The following DUSP16 variants were observed in gnomAD, a reference collection of about 807,000 sequenced individuals.
DUSP16 encodes the protein dual specificity protein phosphatase 16.
In DUSP16, 21 loss-of-function variants were observed where a neutral mutation model predicts 58.3. That is an observed-to-expected ratio of 0.36 (90% CI 0.26 to 0.52). DUSP16 has a LOEUF of 0.52. DUSP16 is among the 20% of genes least tolerant of loss of function. DUSP16 has a pLI of 0.94. For synonymous variants in DUSP16, 320 were observed against 323.8 expected, an observed-to-expected ratio of 0.99 and a Z score of 0.12; for missense variants, 726 against 819.0, an observed-to-expected ratio of 0.89 and a Z score of 1.39.
rs1943443684 is a variant in DUSP16 at position 12,476,669 on chromosome 12, G to A, written c.*164C>T. On this transcript the variant is annotated 3_prime_UTR_variant, in exon 7 of 7. Coordinates refer to ENST00000298573, the MANE Select transcript of DUSP16 (RefSeq NM_030640.3). Reference sequence around the variant, plus strand: ...ATTAGCTGATCTCTCAAATGCAGATGTTAAGAGAGTAACAACTGGGTTGAT... The same window carrying A: ...ATTAGCTGATCTCTCAAATGCAGATATTAAGAGAGTAACAACTGGGTTGAT... The A allele has an allele frequency of 1.6e-6, 1 of 606,976 alleles. No individual in the cohort carries two copies. Among genetic ancestry groups the A allele is most frequent in the African/African-American group, 1.9e-5 (1 of 53,796 alleles). 37.6% of individuals were successfully genotyped at this position (606,976 alleles called of 1,614,324 possible).
At chr12:12,520,452 T>C (rs550445660) in intron 2 of DUSP16, among the ~76,000 whole-genome samples, 1 of 152,302 alleles carries the variant, frequency 6.6e-6, no homozygotes. Flanking sequence ...CAGGAATAAC[T>C]TCCCTTGAAG....
chr12:12,556,271 A>T (rs1944804648), intron 1 of DUSP16, among the ~76,000 whole-genome samples: 1 of 152,208 alleles, frequency 6.6e-6, no homozygotes, highest in Non-Finnish European at 1.5e-5. Flanking sequence ...CCTATAAAAA[A>T]GTTTTGCTGG....
Position 12,477,388 on chromosome 12 carries a change from G to C in DUSP16, c.1443C>G (p.Ser481Arg). The change falls in exon 7 of 7, where the codon AGC (serine) becomes AGG (arginine). Residue 481 changes from serine to arginine, a missense_variant. Ser to Arg is a moderately radical substitution (Grantham distance 110). Transcript: ENST00000298573. This position sits in a 1 kb window ranked among gnomAD's most constrained non-coding sequence, Gnocchi z 4.1. ...TGGTTCTGACCGAATGCAATCGCTT[G>C]CTCTGGCTGTCTGAAGGCCTGGCGG... is the stretch of plus-strand genomic sequence containing the variant. ...LQTARPSDSQ[S>R]KRLHSVRTSS... is the part of the protein sequence containing the mutation. The C allele has an allele frequency of 6.2e-7, 1 of 1,613,206 alleles. No homozygotes were observed. The highest frequency in any genetic ancestry group is 8.5e-7 in the Non-Finnish European group (1 of 1,179,450).
intron 1 of DUSP16, among the ~76,000 whole-genome samples, chr12:12,556,793 C>T (rs1195825122): frequency 1.3e-5 from 2 of 152,194 alleles, no homozygotes; most frequent in Non-Finnish European, 2.9e-5. Context: ...CATTTTGGAA[C>T]ATCTTTGCTT....
intron 3 of DUSP16, among the ~76,000 whole-genome samples, chr12:12,505,385 A>G (rs944936295): frequency 2.4e-4 from 37 of 152,354 alleles, no homozygotes; most frequent in African/African-American, 8.4e-4. Flanking sequence ...AAAGGCTTCA[A>G]TGAGGGAGAA....
Position 12,519,140 on chromosome 12 carries a change from G to A in DUSP16, c.367+722C>T, listed in dbSNP as rs1328677549. On this transcript the variant is annotated intron_variant, in intron 3 of 6. Transcript: ENST00000298573. The stretch of plus-strand genomic sequence containing the variant: ...GGGAAAGGATTTTCATTTGCAAAAC[G>A]AGAAGCAAAGGATGAATAGCCTTCT... Among the ~76,000 whole-genome samples, 9 of 152,274 alleles carry A rather than the reference G, an allele frequency of 5.9e-5. No homozygotes were observed. In the East Asian group the frequency reaches 1.2e-3, roughly 20 times the overall value.
chr12:12,529,430 TA>T (rs1480538932), intron 1 of DUSP16, among the ~76,000 whole-genome samples: 2 of 152,202 alleles, frequency 1.3e-5, no homozygotes, highest in Non-Finnish European at 2.9e-5. Context: ...AATTAATGGA[TA>T]AAACTGTATG....
intron 1 of DUSP16, among the ~76,000 whole-genome samples, chr12:12,526,668 C>T (rs952875589): frequency 2.0e-5 from 3 of 152,060 alleles, no homozygotes; most frequent in Non-Finnish European, 2.9e-5. Context: ...ATTATTTTTA[C>T]GTGATTATAT....
intron 1 of DUSP16, among the ~76,000 whole-genome samples, chr12:12,526,339 T>C (rs960950578): frequency 6.6e-6 from 1 of 152,222 alleles, no homozygotes; most frequent in Admixed American, 6.5e-5. Flanking sequence ...TAGATTCCAT[T>C]TGGTTACTTA....
intron 1 of DUSP16, among the ~76,000 whole-genome samples, chr12:12,524,920 A>G (rs1944283039): frequency 6.6e-6 from 1 of 152,174 alleles, no homozygotes; most frequent in Admixed American, 6.5e-5. Context: ...CAGCAAATAC[A>G]TTTAAATAAA....
chr12:12,486,432 C>T (rs1232423167), intron 5 of DUSP16, among the ~76,000 whole-genome samples: 3 of 151,724 alleles, frequency 2.0e-5, no homozygotes, highest in African/African-American at 7.3e-5. Flanking sequence ...CAAAGTATGG[C>T]ACAGATGAGA....
intron 3 of DUSP16, 58 bp from the exon 4 acceptor site, chr12:12,500,740 G>T (rs1355070555): frequency 7.7e-6 from 11 of 1,433,426 alleles, no homozygotes; most frequent in Non-Finnish European, 6.4e-6. Flanking sequence ...ATAAAAACCA[G>T]CTTTCTGTGA....
chr12:12,532,234 ATACTGG>A (rs1944400746), intron 1 of DUSP16, among the ~76,000 whole-genome samples: 9 of 152,362 alleles, frequency 5.9e-5, no homozygotes, highest in African/African-American at 1.9e-4. Context: ...ACATGAAAAA[ATACTGG>A]AAAAGGCCTA....
intron 5 of DUSP16, among the ~76,000 whole-genome samples, chr12:12,481,455 A>G (rs1007648788): frequency 2.0e-5 from 3 of 152,228 alleles, no homozygotes; most frequent in Admixed American, 6.5e-5. Context: ...AGATACTACC[A>G]AAAGTCTACT....
chr12:12,501,426 T>TTG (rs1943908681), intron 3 of DUSP16, among the ~76,000 whole-genome samples: 1 of 152,210 alleles, frequency 6.6e-6, no homozygotes, highest in Admixed American at 6.5e-5. Flanking sequence ...AATGATCTGC[T>TTG]CTATGACCTT....
At chr12:12,554,477 T>C (rs926326529) in intron 1 of DUSP16, 2 of 152,108 alleles carry the variant, frequency 1.3e-5, no homozygotes, top group African/African-American at 4.8e-5. Flanking sequence ...TTTTAAATCA[T>C]TATTAGGGAC....
At chr12:12,490,227 T>C (rs963483345) in intron 4 of DUSP16, among the ~76,000 whole-genome samples, 3 of 152,226 alleles carry the variant, frequency 2.0e-5, no homozygotes, top group Non-Finnish European at 4.4e-5. Context: ...TAGTAAAATA[T>C]TTTAAACGCA....
intron 3 of DUSP16, among the ~76,000 whole-genome samples, chr12:12,516,563 T>C (rs902297047): frequency 1.3e-5 from 2 of 152,096 alleles, no homozygotes; most frequent in Non-Finnish European, 2.9e-5. Context: ...ATTAGCACTG[T>C]TTCACTACAG....
chr12:12,500,875 T>C (rs1296690485), intron 3 of DUSP16, among the ~76,000 whole-genome samples, 193 bp from the exon 4 acceptor site: 2 of 152,194 alleles, frequency 1.3e-5, no homozygotes, highest in African/African-American at 2.4e-5. Context: ...AACGCTACCA[T>C]GGGGATAGGC....
Sources: allele counts gnomAD v4.1 joint callset (sites outside exome capture counted in the v4.1 genomes callset), GRCh38; gene constraint gnomAD v4.1.1; non-coding constraint Gnocchi (gnomAD v3.1); transcripts MANE v1.5; gene names NCBI Gene and HGNC (gene_info 2026-07-23, HGNC 2026-07-21).